LARP1: variants seen among roughly 807,000 people sequenced by gnomAD.
The protein encoded by LARP1 is La ribonucleoprotein 1, translational regulator, also known as la-related protein 1.
In LARP1, 36 loss-of-function variants were observed where a neutral mutation model predicts 122.7. That is an observed-to-expected ratio of 0.29 (90% CI 0.22 to 0.39). The LOEUF is 0.39. LARP1 is among the 10% of genes least tolerant of loss of function. The probability of loss-of-function intolerance (pLI) is 1.00; values close to 1 mark genes in which losing one functional copy is unlikely to be tolerated. For synonymous variants in LARP1, 539 were observed against 528.7 expected, an observed-to-expected ratio of 1.02 and a Z score of -0.27; for missense variants, 1,040 against 1,403.6, an observed-to-expected ratio of 0.74 and a Z score of 4.14.
chr5:154,756,387 C>T (rs1482979835), intron 1 of LARP1, 194 bp downstream of exon 1: 1 of 991,722 alleles, frequency 1.0e-6, no homozygotes, highest in Non-Finnish European at 1.2e-6. Context: ...TGCCCCTGCC[C>T]GAGGGCCCGG....
At chr5:154,759,066 C>T (rs1200022899) in intron 1 of LARP1, among the ~76,000 whole-genome samples, 2 of 152,212 alleles carry the variant, frequency 1.3e-5, no homozygotes, top group Non-Finnish European at 2.9e-5. Context: ...TGGGGTCAAA[C>T]TGAGTGGGTT....
intron 8 of LARP1, among the ~76,000 whole-genome samples, chr5:154,795,877 A>C (rs1647629276): frequency 7.6e-6 from 1 of 130,740 alleles, no homozygotes; most frequent in South Asian, 2.2e-4. Context: ...TTATATATAA[A>C]ATATACATTT....
chr5:154,694,354 T>G (rs535103857), intron 1 of LARP1, among the ~76,000 whole-genome samples: 4 of 152,066 alleles, frequency 2.6e-5, no homozygotes, highest in Non-Finnish European at 4.4e-5. Flanking sequence ...ATTCCTAGAC[T>G]CAAGCCATCC....
intron 1 of LARP1, 80 bp downstream of exon 1, chr5:154,756,273 G>A (rs1227167639): frequency 9.6e-7 from 1 of 1,044,944 alleles, no homozygotes; most frequent in Non-Finnish European, 1.2e-6. Context: ...CACCTCCAGG[G>A]CCCCGGGGTC....
chr5:154,743,418 C>T (rs1220611765), intron 1 of LARP1, among the ~76,000 whole-genome samples: 5 of 151,478 alleles, frequency 3.3e-5, no homozygotes, highest in African/African-American at 1.2e-4. Context: ...AAGCGATTCT[C>T]CTGCCTCAGC....
At chr5:154,695,627 G>A (rs767964707) in intron 1 of LARP1, among the ~76,000 whole-genome samples, 5 of 150,570 alleles carry the variant, frequency 3.3e-5, no homozygotes, top group South Asian at 4.2e-4. Flanking sequence ...ACTGCATTCC[G>A]GCCTGGAAGA....
intron 1 of LARP1, among the ~76,000 whole-genome samples, chr5:154,699,461 C>T (rs1754617013): frequency 6.7e-6 from 1 of 148,950 alleles, no homozygotes; most frequent in African/African-American, 2.5e-5. Flanking sequence ...TCAAGACCAG[C>T]ATGGGCAACA....
chr5:154,806,048 G>A lies in LARP1; in HGVS notation c.2698+16G>A, dbSNP rs369577428. The A allele has an allele frequency of 1.9e-6, 3 of 1,612,712 alleles. No homozygotes were observed. Among genetic ancestry groups the A allele is most frequent in the Non-Finnish European group, 2.5e-6 (3 of 1,179,306 alleles). On this transcript the variant is annotated intron_variant, in intron 15 of 18. Coordinates refer to ENST00000518297, the MANE Select transcript of LARP1 (RefSeq NM_033551.3). The stretch of plus-strand genomic sequence containing the variant: ...TGCCTTAATGGTAAGAAGTGTGGGG[G>A]GCAGGAGATGAGCCTCTGGGCCCGT...
At chr5:154,785,448 T>C (rs1422349767) in intron 1 of LARP1, among the ~76,000 whole-genome samples, 1 of 152,254 alleles carries the variant, frequency 6.6e-6, no homozygotes, top group African/African-American at 2.4e-5. Flanking sequence ...CCTTTGTGAA[T>C]TGTAATATTA....
intron 1 of LARP1, among the ~76,000 whole-genome samples, chr5:154,683,731 A>G (rs1753796172): frequency 6.6e-6 from 1 of 152,168 alleles, no homozygotes; most frequent in Non-Finnish European, 1.5e-5. Flanking sequence ...CTGAAGGGGA[A>G]CCCTGCTTTT....
chr5:154,784,321 A>G (rs1756710251), intron 1 of LARP1, among the ~76,000 whole-genome samples: 1 of 152,222 alleles, frequency 6.6e-6, no homozygotes, highest in African/African-American at 2.4e-5. Flanking sequence ...GTGGGAGCAC[A>G]TAGCAGGGTG....
chr5:154,814,139 G>T lies in LARP1; in HGVS notation c.*43G>T. 6.3e-7 allele frequency: 1 copy of T among 1,588,844 alleles called. No individual in the cohort carries two copies. The highest frequency in any genetic ancestry group is 8.6e-7 in the Non-Finnish European group (1 of 1,161,624). On this transcript the variant is annotated 3_prime_UTR_variant, in exon 19 of 19. Transcript: ENST00000518297. ...GGGCTTGAGGGGGGAAAGGGGTAGG[G>T]TGGGTAAGAGTCCATGGGGGTGCCC... is the stretch of plus-strand genomic sequence containing the variant.
At chr5:154,778,461 A>T (rs1429837401) in intron 1 of LARP1, among the ~76,000 whole-genome samples, 1 of 152,178 alleles carries the variant, frequency 6.6e-6, no homozygotes, top group Non-Finnish European at 1.5e-5. Context: ...TCTCTGAAGG[A>T]TGGGACCCAG....
chr5:154,791,191 A>G (rs1333178378), intron 3 of LARP1, among the ~76,000 whole-genome samples: 1 of 147,442 alleles, frequency 6.8e-6, no homozygotes, highest in South Asian at 2.2e-4. Flanking sequence ...CTGGAGTGCA[A>G]TGGTGTGATC....
chr5:154,774,568 G>A (rs189885372), intron 1 of LARP1, among the ~76,000 whole-genome samples: 10 of 152,332 alleles, frequency 6.6e-5, no homozygotes, highest in Admixed American at 6.5e-4. Context: ...TAACGGGTTG[G>A]TACTACCTTT....
At chr5:154,787,470 A>G (rs1338154546) in intron 1 of LARP1, among the ~76,000 whole-genome samples, 1 of 152,188 alleles carries the variant, frequency 6.6e-6, no homozygotes, top group Non-Finnish European at 1.5e-5. Context: ...TTGGTGGCTG[A>G]GATGGATAAT....
At chr5:154,734,748 G>A (rs1029478445) in intron 1 of LARP1, among the ~76,000 whole-genome samples, 4 of 151,964 alleles carry the variant, frequency 2.6e-5, no homozygotes, top group East Asian at 1.9e-4. Flanking sequence ...GTATATTCAC[G>A]TTGTTGGAAA....
intron 14 of LARP1, chr5:154,805,637 T>G (rs574267839): frequency 1.6e-4 from 71 of 449,272 alleles, no homozygotes; most frequent in African/African-American, 1.2e-3. Context: ...TTAAATAGTC[T>G]TATGACCCTG....
At chr5:154,808,679 A>C in intron 16 of LARP1, 76 bp downstream of exon 16, 2 of 1,467,538 alleles carry the variant, frequency 1.4e-6, no homozygotes, top group Non-Finnish European at 1.8e-6. Flanking sequence ...TGCTTCCAGA[A>C]CTGTAGTTGG....
Sources: allele counts gnomAD v4.1 joint callset (sites outside exome capture counted in the v4.1 genomes callset), GRCh38; gene constraint gnomAD v4.1.1; transcripts MANE v1.5; gene names NCBI Gene and HGNC (gene_info 2026-07-23, HGNC 2026-07-21).